DCC: variants seen among roughly 807,000 people sequenced by gnomAD.
The protein encoded by DCC is netrin receptor DCC.
In DCC, 58 loss-of-function variants were observed where a neutral mutation model predicts 172.5. The observed-to-expected ratio is 0.34, with a 90% CI of 0.27 to 0.42. The LOEUF is 0.42. DCC is among the 10% of genes least tolerant of loss of function. The pLI, the probability that DCC is intolerant of heterozygous loss-of-function variation, is 1.00. For synonymous variants in DCC, 709 were observed against 644.5 expected (o/e 1.10, Z -1.52); for missense variants, 1,740 against 1,791.0 (o/e 0.97, Z 0.51).
chr18:52,428,922 A>T (rs1327632454), intron 1 of DCC, among the ~76,000 whole-genome samples: 1 of 152,092 alleles, frequency 6.6e-6, no homozygotes, highest in Non-Finnish European at 1.5e-5. Flanking sequence ...ACTGCCTTTA[A>T]AATACCCAGC....
At position 52,925,338 on chromosome 18, in the gene DCC, A is replaced by G. The variant is rs761060376; in HGVS notation, c.953A>G (p.Asn318Ser). ...TGTGTTGTCACATATAAAAATGAGA[A>G]TATTAGTGCCTCTGCAGAGCTCACA... ...YTCVVTYKNE[N>S]ISASAELTVL... The change falls in exon 5 of 29, where the codon AAT becomes AGT. Residue 318 changes from asparagine to serine, a missense_variant. By Grantham distance (46) the Asn-to-Ser change is conservative. Coordinates refer to ENST00000442544, the MANE Select transcript of DCC (RefSeq NM_005215.4). 8 of 1,612,498 alleles carry G rather than the reference A, an allele frequency of 5.0e-6. No individual in the cohort carries two copies. The highest frequency in any genetic ancestry group is 4.0e-5 in the African/African-American group (3 of 74,826).
chr18:53,506,206 T>C (rs1420083328), intron 27 of DCC, among the ~76,000 whole-genome samples: 1 of 152,090 alleles, frequency 6.6e-6, no homozygotes, highest in African/African-American at 2.4e-5. Flanking sequence ...GTTGAATTGG[T>C]CAGAATATAA....
Position 52,769,562 on chromosome 18 carries a change from A to T in DCC, c.412+17188A>T, listed in dbSNP as rs545125562. On this transcript the variant is annotated intron_variant, in intron 2 of 28. Transcript: ENST00000442544. ...TTGATGGCATCCTTCATGGAGCAGA[A>T]GTTTTTAATTTTAATGCAATTCAGT... Among the ~76,000 whole-genome samples, 27 of 152,054 alleles carry T rather than the reference A, an allele frequency of 1.8e-4. No homozygotes were observed. In the East Asian group the frequency reaches 4.4e-3, roughly 25 times the overall value.
intron 5 of DCC, among the ~76,000 whole-genome samples, chr18:52,965,316 AACAGG>A (rs1176089328): frequency 6.6e-6 from 1 of 152,192 alleles, no homozygotes; most frequent in Non-Finnish European, 1.5e-5. Flanking sequence ...AGATTGACAA[AACAGG>A]CTAGAAAGGA....
At chr18:53,447,675 A>C (rs557684910) in intron 22 of DCC, among the ~76,000 whole-genome samples, 1 of 152,316 alleles carries the variant, frequency 6.6e-6, no homozygotes, top group South Asian at 2.1e-4. Flanking sequence ...TGCTTATAAA[A>C]ATCTATGAGA....
intron 25 of DCC, among the ~76,000 whole-genome samples, chr18:53,470,719 GAA>G (rs1454531212): frequency 4.0e-5 from 6 of 151,780 alleles, no homozygotes; most frequent in African/African-American, 1.5e-4. Context: ...AAGCCAGCAG[GAA>G]AGAGAGAGAG....
chr18:53,068,315 C>T (rs1599093258), intron 7 of DCC, among the ~76,000 whole-genome samples: 2 of 151,658 alleles, frequency 1.3e-5, no homozygotes, highest in Admixed American at 6.6e-5. Flanking sequence ...CATAATGTGC[C>T]GGTTAGTTAC....
chr18:53,166,558 G>C (rs147890246), intron 8 of DCC, among the ~76,000 whole-genome samples: 84 of 152,208 alleles, frequency 5.5e-4, no homozygotes, highest in African/African-American at 1.9e-3. Flanking sequence ...ATCAAAATCT[G>C]TTTCACCCCA....
chr18:53,290,474 C>T (rs1294556022), intron 12 of DCC, among the ~76,000 whole-genome samples: 1 of 151,964 alleles, frequency 6.6e-6, no homozygotes, highest in Non-Finnish European at 1.5e-5. Flanking sequence ...AACAAATGAC[C>T]TCATAAATAC....
rs76665445 is a variant in DCC at position 52,739,189 on chromosome 18, C to G, written c.92-12865C>G. Among the ~76,000 whole-genome samples the G allele has an allele frequency of 1.3e-3, 194 of 152,198 alleles. 1 individual carries two copies. The highest frequency in any genetic ancestry group is 4.5e-3 in the African/African-American group (186 of 41,516). ...TAAGACCACTGTCATACATGCAGTC[C>G]GTCATTAACCAAAACATTATTATGC... On this transcript the variant is annotated intron_variant, in intron 1 of 28. Transcript: ENST00000442544.
intron 1 of DCC, among the ~76,000 whole-genome samples, chr18:52,653,271 G>C (rs188915318): frequency 2.0e-5 from 3 of 152,268 alleles, no homozygotes; most frequent in Admixed American, 2.0e-4. Context: ...TGACTAAAAG[G>C]AGTAAGAGTC....
At chr18:52,856,169 CTG>C (rs2039049754) in intron 2 of DCC, among the ~76,000 whole-genome samples, 1 of 152,072 alleles carries the variant, frequency 6.6e-6, no homozygotes, top group African/African-American at 2.4e-5. Context: ...AAGTCAATGT[CTG>C]TTAGAAATAC....
intron 1 of DCC, among the ~76,000 whole-genome samples, chr18:52,361,014 T>C (rs1243734541): frequency 6.6e-6 from 1 of 152,190 alleles, no homozygotes; most frequent in Non-Finnish European, 1.5e-5. Context: ...CTTTAGAGTA[T>C]ACTAAGTTGC....
At chr18:52,593,827 A>C (rs2033852036) in intron 1 of DCC, among the ~76,000 whole-genome samples, 1 of 152,180 alleles carries the variant, frequency 6.6e-6, no homozygotes, top group East Asian at 1.9e-4. Flanking sequence ...TTGTCCCCTG[A>C]GGGGCAAAAT....
At chr18:53,203,201 T>TTTG (rs984883485) in intron 9 of DCC, among the ~76,000 whole-genome samples, 2 of 125,254 alleles carry the variant, frequency 1.6e-5, no homozygotes, top group African/African-American at 2.9e-5. Flanking sequence ...ATAGATTCTC[T>TTTG]TGTGTGTGTG....
intron 1 of DCC, among the ~76,000 whole-genome samples, chr18:52,635,498 G>A (rs375916292): frequency 1.3e-5 from 2 of 152,222 alleles, no homozygotes; most frequent in African/African-American, 4.8e-5. Flanking sequence ...TGAATTACAT[G>A]AAATTATATT....
chr18:52,511,202 A>C (rs932615615), intron 1 of DCC, among the ~76,000 whole-genome samples: 3 of 150,178 alleles, frequency 2.0e-5, no homozygotes, highest in African/African-American at 7.4e-5. Context: ...AATCGCTTCA[A>C]CCTGGGAGGC....
In DCC at chr18:53,344,871, C is replaced by A. The variant is rs1279163235; in HGVS notation, c.2359+4964C>A. ...TTGCACTCCAGCCTGGGTGACAGAG[C>A]AAGACTCTGTCTTGGAAAAAAAAAA... On this transcript the variant is annotated intron_variant, in intron 15 of 28. Transcript: ENST00000442544. 2.1e-5 allele frequency among the ~76,000 whole-genome samples: 3 copies of A among 142,274 alleles called. No homozygotes were observed. The Admixed American group carries it at 2.2e-4, about 10-fold the overall frequency. 93.3% of individuals were successfully genotyped at this position (142,274 alleles called of 152,430 possible).
intron 1 of DCC, among the ~76,000 whole-genome samples, chr18:52,630,264 C>A (rs1009706552): frequency 7.9e-5 from 12 of 152,124 alleles, no homozygotes; most frequent in African/African-American, 2.9e-4. Flanking sequence ...TCCAGGGGTT[C>A]ATCCTATAAA....
Sources: gnomAD v4.1 joint callset for allele counts (sites outside exome capture counted in the v4.1 genomes callset) on GRCh38, gnomAD v4.1.1 for gene constraint, MANE v1.5 for transcripts, NCBI Gene and HGNC (gene_info 2026-07-23, HGNC 2026-07-21) for gene names.